The following DSCAML1 variants were observed in gnomAD, a reference collection of about 807,000 sequenced individuals.
DSCAML1 encodes the protein cell adhesion molecule DSCAML1.
Under a neutral mutation model 200.5 loss-of-function variants are expected in DSCAML1, and 38 were observed. That is an observed-to-expected ratio of 0.19 (90% CI 0.15 to 0.25). The LOEUF (loss-of-function observed/expected upper bound fraction) is 0.25, where lower values mean the gene tolerates loss of function less well. DSCAML1 is among the 10% of genes least tolerant of loss of function. The pLI is 1.00. For synonymous variants in DSCAML1, 1,215 were observed against 1,165.0 expected, an observed-to-expected ratio of 1.04 and a Z score of -0.87; for missense variants, 2,223 against 2,858.8, an observed-to-expected ratio of 0.78 and a Z score of 5.07.
chr11:117,703,885 T>TCC (rs2053709341), intron 3 of DSCAML1, among the ~76,000 whole-genome samples: 1 of 152,050 alleles, frequency 6.6e-6, no homozygotes, highest in South Asian at 2.1e-4. Context: ...TTACCAACAC[T>TCC]CCCCATCACA....
rs139747653 is a variant in DSCAML1 at position 117,660,291 on chromosome 11, C to T, written c.511+116500G>A. Reference sequence around the variant, plus strand: ...CCAGTTCCTCCCTTTTGGGAAGGTGCTGGTATTGTGTCTAAGGTTGAAAGC... The same window carrying T: ...CCAGTTCCTCCCTTTTGGGAAGGTGTTGGTATTGTGTCTAAGGTTGAAAGC... On this transcript the variant is annotated intron_variant, in intron 3 of 32. Coordinates refer to ENST00000651296, the MANE Select transcript of DSCAML1 (RefSeq NM_020693.4). Among the ~76,000 whole-genome samples, 6 of 152,336 alleles carry T rather than the reference C, an allele frequency of 3.9e-5. No individual in the cohort carries two copies. The East Asian group carries it at 1.2e-3, about 29-fold the overall frequency.
rs774519695 is a variant in DSCAML1 at position 117,428,382 on chromosome 11, C to T, written c.6108G>A (p.Gly2036=). 2 of 1,591,708 alleles carry T rather than the reference C, an allele frequency of 1.3e-6. No individual in the cohort carries two copies. Among genetic ancestry groups the T allele is most frequent in the South Asian group, 2.3e-5 (2 of 88,184 alleles). Residue 2036 remains glycine (G), a synonymous_variant, in exon 33 of 33, where the codon GGG becomes GGA. Coordinates refer to ENST00000651296, the MANE Select transcript of DSCAML1 (RefSeq NM_020693.4). ...SLLEMSTSGV[G]RSQKQGAGAY... is the part of the protein sequence containing the mutation. Reference sequence around the variant, plus strand: ...CCCCGGCCCCCTGCTTCTGAGACCTCCCTACCCCCGATGTGCTCATCTCGA... The same window carrying T: ...CCCCGGCCCCCTGCTTCTGAGACCTTCCTACCCCCGATGTGCTCATCTCGA...
At chr11:117,672,701 T>C (rs1035836514) in intron 3 of DSCAML1, among the ~76,000 whole-genome samples, 1 of 152,206 alleles carries the variant, frequency 6.6e-6, no homozygotes, top group African/African-American at 2.4e-5. Context: ...ATCACTATCA[T>C]TCTGGGTTCT....
intron 8 of DSCAML1, among the ~76,000 whole-genome samples, chr11:117,506,547 C>CTTTTTT (rs5795089): frequency 2.1e-5 from 2 of 96,858 alleles, no homozygotes; most frequent in African/African-American, 4.4e-5. Context: ...CAAGAGATAA[C>CTTTTTT]TTTTTTTTTT....
chr11:117,796,859 C>T (rs534204305), intron 1 of DSCAML1, among the ~76,000 whole-genome samples, 175 bp downstream of exon 1: 1 of 152,120 alleles, frequency 6.6e-6, no homozygotes, highest in Non-Finnish European at 1.5e-5. Context: ...CGGGGGCTGA[C>T]TCTCACTCGG....
At chr11:117,441,685 T>G (rs1592580797) in intron 21 of DSCAML1, among the ~76,000 whole-genome samples, 2 of 148,708 alleles carry the variant, frequency 1.3e-5, no homozygotes, top group Non-Finnish European at 1.5e-5. Flanking sequence ...AGAGTGAGAG[T>G]GAGGGAGCAG....
chr11:117,586,779 G>A (rs2137473194), intron 3 of DSCAML1, among the ~76,000 whole-genome samples: 1 of 152,330 alleles, frequency 6.6e-6, no homozygotes, highest in South Asian at 2.1e-4. Flanking sequence ...AAGCTCTGGG[G>A]ACATTGCCTG....
At chr11:117,777,713 C>A (rs1055158618) in intron 2 of DSCAML1, among the ~76,000 whole-genome samples, 6 of 152,148 alleles carry the variant, frequency 3.9e-5, no homozygotes, top group African/African-American at 7.2e-5. Flanking sequence ...CTTTCAGAAC[C>A]ATCCCTTCCC....
At chr11:117,627,700 A>G (rs1462499643) in intron 3 of DSCAML1, among the ~76,000 whole-genome samples, 2 of 152,112 alleles carry the variant, frequency 1.3e-5, no homozygotes, top group African/African-American at 4.8e-5. Context: ...ATGATCTCAC[A>G]GAAGTTTTGA....
intron 3 of DSCAML1, among the ~76,000 whole-genome samples, chr11:117,674,066 C>T (rs978098894): frequency 6.6e-6 from 1 of 152,214 alleles, no homozygotes; most frequent in Non-Finnish European, 1.5e-5. Flanking sequence ...TGCATGCCTT[C>T]GGTAGATTCT....
chr11:117,729,576 A>G (rs941492281), intron 3 of DSCAML1, among the ~76,000 whole-genome samples: 1 of 152,250 alleles, frequency 6.6e-6, no homozygotes, highest in Non-Finnish European at 1.5e-5. Flanking sequence ...CAACTCAATA[A>G]TAAAAGGACA....
intron 3 of DSCAML1, among the ~76,000 whole-genome samples, chr11:117,688,071 G>C (rs1017117005): frequency 3.3e-5 from 5 of 152,274 alleles, no homozygotes; most frequent in Admixed American, 3.3e-4. Context: ...CGCTCATTCA[G>C]ATGATGGGTG....
chr11:117,475,013 C>T (rs555200590), intron 14 of DSCAML1, among the ~76,000 whole-genome samples: 121 of 152,208 alleles, frequency 7.9e-4, no homozygotes, highest in African/African-American at 2.8e-3. Context: ...CCTTGGCCTC[C>T]CAAAGTGCTG....
At chr11:117,517,123 A>T (rs1425507160) in intron 7 of DSCAML1, among the ~76,000 whole-genome samples, 1 of 152,186 alleles carries the variant, frequency 6.6e-6, no homozygotes, top group Non-Finnish European at 1.5e-5. Context: ...TTGGGATTAA[A>T]GTGGAAAGGT....
intron 4 of DSCAML1, among the ~76,000 whole-genome samples, chr11:117,529,743 AG>A (rs1205980664): frequency 6.6e-6 from 1 of 151,672 alleles, no homozygotes; most frequent in African/African-American, 2.4e-5. Flanking sequence ...GAAACATCTC[AG>A]CGGACACTCG....
chr11:117,511,995 G>A (rs915469157), intron 8 of DSCAML1, among the ~76,000 whole-genome samples: 6 of 152,228 alleles, frequency 3.9e-5, no homozygotes, highest in African/African-American at 9.6e-5. Flanking sequence ...AGAAAAATTC[G>A]TTAGAAGACA....
At chr11:117,771,328 T>G (rs1483394380) in intron 3 of DSCAML1, among the ~76,000 whole-genome samples, 1 of 152,230 alleles carries the variant, frequency 6.6e-6, no homozygotes. Flanking sequence ...ATGAGCTGAA[T>G]CCTAAATTCC....
intron 3 of DSCAML1, among the ~76,000 whole-genome samples, chr11:117,549,489 T>C (rs1175088653): frequency 6.6e-6 from 1 of 152,244 alleles, no homozygotes; most frequent in Non-Finnish European, 1.5e-5. Context: ...AGTGTGACCT[T>C]GCACAGGTTA....
At position 117,760,628 on chromosome 11, in the gene DSCAML1, T is replaced by A. The variant is rs560006475; in HGVS notation, c.511+16163A>T. Among the ~76,000 whole-genome samples, 4 of 152,378 alleles carry A rather than the reference T, an allele frequency of 2.6e-5. No homozygotes were observed. The South Asian group carries it at 8.3e-4, about 32-fold the overall frequency. On this transcript the variant is annotated intron_variant, in intron 3 of 32. Transcript: ENST00000651296. ...TAATGTGCCAATATTGGCTTCTGATTTTTTGCTATCACAAACATGGCTACG... is the reference window on the plus strand; with the variant it reads ...TAATGTGCCAATATTGGCTTCTGATATTTTGCTATCACAAACATGGCTACG...
Sources: allele counts gnomAD v4.1 joint callset (sites outside exome capture counted in the v4.1 genomes callset), GRCh38; gene constraint gnomAD v4.1.1; transcripts MANE v1.5; gene names NCBI Gene and HGNC (gene_info 2026-07-23, HGNC 2026-07-21).